Variants in ZFHX4 observed in about 807,000 individuals in gnomAD.
The protein encoded by ZFHX4 is zinc finger homeobox protein 4.
ZFHX4 carries 56 observed loss-of-function variants against 267.6 expected under a neutral mutation model. The observed-to-expected ratio is 0.21, with a 90% confidence interval of 0.17 to 0.26. The LOEUF is 0.26. Ranked by LOEUF, ZFHX4 falls within the 10% of genes least tolerant of loss-of-function variation. ZFHX4 has a pLI of 1.00. For synonymous variants in ZFHX4, 1,778 were observed against 1,665.6 expected (o/e 1.07, Z -1.64); for missense variants, 4,332 against 4,420.0 (o/e 0.98, Z 0.56).
chr8:76,707,355 G>A (rs554484712), intron 2 of ZFHX4, among the ~76,000 whole-genome samples, 191 bp from the exon 3 acceptor site: 1 of 152,278 alleles, frequency 6.6e-6, no homozygotes, highest in Non-Finnish European at 1.5e-5. Flanking sequence ...AGTAATTAAA[G>A]CTATCTGATG....
intron 5 of ZFHX4, chr8:76,834,149 T>C (rs1165267473): frequency 4.4e-6 from 2 of 451,836 alleles, no homozygotes; most frequent in South Asian, 3.1e-5. Flanking sequence ...GAGAACATCT[T>C]GGTTGATTCC....
chr8:76,779,584 C>A (rs1157915225), intron 4 of ZFHX4, among the ~76,000 whole-genome samples: 2 of 152,174 alleles, frequency 1.3e-5, no homozygotes, highest in African/African-American at 4.8e-5. Flanking sequence ...AATGAGGGCA[C>A]TGCAGCAGCG....
Position 76,706,315 on chromosome 8 carries a change from G to T in ZFHX4, c.2227G>T (p.Ala743Ser), listed in dbSNP as rs765118434. The change falls in exon 2 of 11, where the codon GCC (alanine) becomes TCC (serine). Residue 743 changes from alanine to serine, a missense_variant. Coordinates refer to ENST00000651372, the MANE Select transcript of ZFHX4 (RefSeq NM_024721.5). ...GNGEQVFGHS[A>S]PAPNTSLSGC... ...TGGTGAGCAGGTGTTTGGCCACTCTGCCCCAGCCCCCAACACCAGCCTCAG... is the reference window on the plus strand; with the variant it reads ...TGGTGAGCAGGTGTTTGGCCACTCTTCCCCAGCCCCCAACACCAGCCTCAG... The T allele has an allele frequency of 1.4e-5, 23 of 1,613,952 alleles. 1 individual carries two copies. The highest frequency in any genetic ancestry group is 1.3e-4 in the South Asian group (12 of 91,078).
At chr8:76,806,944 C>T (rs1811260652) in intron 4 of ZFHX4, among the ~76,000 whole-genome samples, 1 of 152,020 alleles carries the variant, frequency 6.6e-6, no homozygotes, top group South Asian at 2.1e-4. Context: ...GTTACTACTC[C>T]TGAGTGTTTA....
chr8:76,725,639 T>G (rs906182089), intron 3 of ZFHX4, among the ~76,000 whole-genome samples: 2 of 152,190 alleles, frequency 1.3e-5, no homozygotes, highest in Non-Finnish European at 2.9e-5. Flanking sequence ...AGTTGATATA[T>G]ATAGATCAGT....
At chr8:76,805,769 C>T (rs1811229356) in intron 4 of ZFHX4, among the ~76,000 whole-genome samples, 2 of 151,962 alleles carry the variant, frequency 1.3e-5, no homozygotes, top group South Asian at 4.1e-4. Flanking sequence ...GCACTAATTC[C>T]TGTAATTATT....
At chr8:76,819,642 G>A (rs1811596111) in intron 4 of ZFHX4, among the ~76,000 whole-genome samples, 2 of 152,190 alleles carry the variant, frequency 1.3e-5, no homozygotes, top group South Asian at 4.1e-4. Flanking sequence ...TTGGCAGGAA[G>A]AAGGAAGACA....
chr8:76,779,329 C>T (rs971247328), intron 4 of ZFHX4, among the ~76,000 whole-genome samples: 15 of 152,014 alleles, frequency 9.9e-5, no homozygotes, highest in African/African-American at 3.6e-4. Flanking sequence ...CATATTTACT[C>T]AGTACACCTT....
chr8:76,716,495 A>G (rs1412074391), intron 3 of ZFHX4, among the ~76,000 whole-genome samples: 2 of 152,184 alleles, frequency 1.3e-5, no homozygotes, highest in African/African-American at 4.8e-5. Context: ...AGATAGTAAG[A>G]GGCTGGGCTG....
chr8:76,689,194 G>A (rs1807764857), intron 1 of ZFHX4, among the ~76,000 whole-genome samples: 1 of 151,944 alleles, frequency 6.6e-6, no homozygotes, highest in Non-Finnish European at 1.5e-5. Flanking sequence ...ATGCAGAAGG[G>A]CTTATTAAGG....
intron 3 of ZFHX4, among the ~76,000 whole-genome samples, chr8:76,713,946 A>C (rs55900024): frequency 0.032 from 4,909 of 152,012 alleles, 113 homozygotes; most frequent in Non-Finnish European, 0.046. Context: ...CCACCACCAC[A>C]ACAACAACAC....
chr8:76,807,097 A>G (rs2131837715), intron 4 of ZFHX4, among the ~76,000 whole-genome samples: 1 of 152,214 alleles, frequency 6.6e-6, no homozygotes, highest in East Asian at 1.9e-4. Flanking sequence ...AAATGTAATC[A>G]TCACAATATA....
intron 10 of ZFHX4, among the ~76,000 whole-genome samples, chr8:76,860,303 A>T (rs1260914193): frequency 1.3e-5 from 2 of 151,914 alleles, no homozygotes; most frequent in South Asian, 2.1e-4. Context: ...AAGATGTTGA[A>T]TTTTTTTCAA....
rs1386127615 is a variant in ZFHX4 at position 76,765,801 on chromosome 8, G to A, written c.3094-12407G>A. On this transcript the variant is annotated intron_variant, in intron 3 of 10. Transcript: ENST00000651372. ...TATTTAACCTTCAAAACAACCCCAT[G>A]AGGCAGTTACTACAAGTCTTAATAA... is the stretch of plus-strand genomic sequence containing the variant. 2.0e-5 allele frequency among the ~76,000 whole-genome samples: 3 copies of A among 152,134 alleles called. No individual in the cohort carries two copies. In the East Asian group the frequency reaches 5.8e-4, roughly 29 times the overall value.
intron 1 of ZFHX4, chr8:76,683,319 C>T (rs1807597142): frequency 7.5e-6 from 1 of 133,258 alleles, no homozygotes. Flanking sequence ...ACTCTTCCCC[C>T]CACCTCCGGC....
chr8:76,708,880 A>G (rs1169897174), intron 3 of ZFHX4, among the ~76,000 whole-genome samples: 2 of 152,200 alleles, frequency 1.3e-5, no homozygotes, highest in Admixed American at 6.5e-5. Context: ...ATTCATTACT[A>G]TGATGAATAA....
chr8:76,815,427 C>T (rs974863523), intron 4 of ZFHX4, among the ~76,000 whole-genome samples: 9 of 152,140 alleles, frequency 5.9e-5, no homozygotes, highest in African/African-American at 2.2e-4. Flanking sequence ...CCCACTTTCC[C>T]ATAAATGGTA....
chr8:76,730,850 T>C (rs1209095413), intron 3 of ZFHX4, among the ~76,000 whole-genome samples: 1 of 152,186 alleles, frequency 6.6e-6, no homozygotes, highest in African/African-American at 2.4e-5. Context: ...TTTGTATCAC[T>C]ACATCATAGC....
intron 4 of ZFHX4, among the ~76,000 whole-genome samples, chr8:76,830,272 G>A (rs1811900355): frequency 6.6e-6 from 1 of 152,192 alleles, no homozygotes; most frequent in Non-Finnish European, 1.5e-5. Flanking sequence ...ATTTTCAAAT[G>A]TGTGATTATC....
Sources: allele counts gnomAD v4.1 joint callset (sites outside exome capture counted in the v4.1 genomes callset), GRCh38; gene constraint gnomAD v4.1.1; transcripts MANE v1.5; gene names NCBI Gene and HGNC (gene_info 2026-07-23, HGNC 2026-07-21).